The following PCSK5 variants were observed in gnomAD, a reference collection of about 807,000 sequenced individuals.
PCSK5 encodes prohormone convertase 5.
A neutral mutation model predicts 233.2 loss-of-function variants in PCSK5; 129 were observed. The observed-to-expected ratio is 0.55, with a 90% CI of 0.48 to 0.64. PCSK5 has a LOEUF of 0.64. Ranked by LOEUF, PCSK5 falls within the 30% of genes least tolerant of loss-of-function variation. The pLI, the probability that PCSK5 is intolerant of heterozygous loss-of-function variation, is 0.00. For synonymous variants in PCSK5, 825 were observed against 879.2 expected, an observed-to-expected ratio of 0.94 and a Z score of 1.09; for missense variants, 2,076 against 2,430.1, an observed-to-expected ratio of 0.85 and a Z score of 3.06.
At chr9:76,088,451 A>C (rs1587610797) in intron 7 of PCSK5, among the ~76,000 whole-genome samples, 1 of 152,202 alleles carries the variant, frequency 6.6e-6, no homozygotes, top group East Asian at 1.9e-4. Context: ...TGTTTACCTT[A>C]GTTATTCTGA....
chr9:76,090,094 T>C (rs1055736508), intron 7 of PCSK5, among the ~76,000 whole-genome samples: 3 of 152,178 alleles, frequency 2.0e-5, no homozygotes, highest in African/African-American at 7.2e-5. Flanking sequence ...TTTTTTGCCA[T>C]GCAAAGCCAT....
intron 4 of PCSK5, among the ~76,000 whole-genome samples, chr9:76,025,171 A>G (rs1232370846): frequency 2.0e-5 from 3 of 152,158 alleles, no homozygotes; most frequent in Non-Finnish European, 4.4e-5. Flanking sequence ...TTATTTTCAG[A>G]AAGAGGAGCC....
intron 1 of PCSK5, among the ~76,000 whole-genome samples, chr9:75,920,497 G>A (rs935605458): frequency 6.6e-6 from 1 of 152,054 alleles, no homozygotes; most frequent in South Asian, 2.1e-4. Flanking sequence ...AATAAAATGG[G>A]TTATTTTAAA....
intron 12 of PCSK5, among the ~76,000 whole-genome samples, chr9:76,161,872 G>A (rs1379111086): frequency 2.0e-5 from 3 of 152,190 alleles, no homozygotes; most frequent in South Asian, 4.1e-4. Context: ...CATTTCCGAC[G>A]TGCGGTGACC....
chr9:75,941,399 A>G (rs992149705), intron 2 of PCSK5, among the ~76,000 whole-genome samples: 3 of 151,978 alleles, frequency 2.0e-5, no homozygotes, highest in African/African-American at 7.3e-5. Flanking sequence ...TTGCTTAGGA[A>G]TGGTGATTTC....
intron 3 of PCSK5, among the ~76,000 whole-genome samples, chr9:76,016,116 G>A (rs1827937769): frequency 6.6e-6 from 1 of 152,182 alleles, no homozygotes; most frequent in Non-Finnish European, 1.5e-5. Flanking sequence ...CCCTGACTGG[G>A]TTCCATGTTC....
At chr9:76,011,759 C>CTCT (rs1333346500) in intron 3 of PCSK5, among the ~76,000 whole-genome samples, 2 of 152,108 alleles carry the variant, frequency 1.3e-5, no homozygotes, top group African/African-American at 4.8e-5. Flanking sequence ...CTCAATTTTG[C>CTCT]TCTGATTTGC....
chr9:76,079,259 G>A (rs757964458), intron 7 of PCSK5, among the ~76,000 whole-genome samples: 11 of 151,134 alleles, frequency 7.3e-5, no homozygotes, highest in Non-Finnish European at 1.3e-4. Flanking sequence ...GCGCACTACC[G>A]TGCCCAGCTA....
chr9:76,148,011 T>A (rs1054400519), intron 10 of PCSK5, among the ~76,000 whole-genome samples: 1 of 152,130 alleles, frequency 6.6e-6, no homozygotes, highest in African/African-American at 2.4e-5. Context: ...CTGCAAGTAG[T>A]CTGAATTAGC....
chr9:76,161,426 G>A (rs1383395453), intron 12 of PCSK5, among the ~76,000 whole-genome samples: 1 of 150,076 alleles, frequency 6.7e-6, no homozygotes, highest in Non-Finnish European at 1.5e-5. Context: ...CGAAGCTAGG[G>A]AAGGCCTTTA....
In PCSK5 at chr9:75,891,333, A is replaced by G. The variant is rs554390740; in HGVS notation, c.152A>G (p.Asn51Ser). 33 of 1,563,954 alleles carry G rather than the reference A, an allele frequency of 2.1e-5. No homozygotes were observed. The South Asian group carries it at 3.2e-4, about 15-fold the overall frequency. ...ATCGCCGGGGGCTTCCCGGAGGCCAACCGTATCGCCAGCAAGTACGGATTC... is the reference window on the plus strand; with the variant it reads ...ATCGCCGGGGGCTTCCCGGAGGCCAGCCGTATCGCCAGCAAGTACGGATTC... ...VKIAGGFPEA[N>S]RIASKYGFIN... Residue 51 changes from asparagine (N) to serine (S), a missense_variant, in exon 1 of 38, where the codon AAC (asparagine) becomes AGC (serine). Coordinates refer to ENST00000674117, the MANE Select transcript of PCSK5 (RefSeq NM_001372043.1).
chr9:76,184,115 T>G (rs1218719988), intron 16 of PCSK5, among the ~76,000 whole-genome samples: 1 of 152,196 alleles, frequency 6.6e-6, no homozygotes. Flanking sequence ...ACTGCAGCTG[T>G]AAAGTGCAAG....
intron 34 of PCSK5, among the ~76,000 whole-genome samples, chr9:76,337,840 TAAA>T (rs71372066): frequency 1.3e-5 from 2 of 148,186 alleles, no homozygotes; most frequent in African/African-American, 2.5e-5. Flanking sequence ...ATCTCTGTTT[TAAA>T]AAAAAAAAAA....
chr9:76,284,406 C>T (rs771135177), intron 24 of PCSK5, among the ~76,000 whole-genome samples: 8 of 151,982 alleles, frequency 5.3e-5, no homozygotes, highest in African/African-American at 9.7e-5. Context: ...ACAGATACCC[C>T]GCACACACTC....
chr9:76,075,263 C>T (rs566949316), intron 7 of PCSK5, among the ~76,000 whole-genome samples: 7 of 151,080 alleles, frequency 4.6e-5, no homozygotes, highest in South Asian at 4.1e-4. Flanking sequence ...TGCAAGTCAA[C>T]GTAGCCTTCC....
At chr9:76,209,453 G>A (rs1825245988) in intron 20 of PCSK5, 1 of 493,336 alleles carries the variant, frequency 2.0e-6, no homozygotes, top group East Asian at 6.0e-5. Context: ...CCAGGAAGGA[G>A]ATCTGTGTTT....
intron 9 of PCSK5, among the ~76,000 whole-genome samples, chr9:76,109,896 G>T (rs1448576811): frequency 2.0e-5 from 3 of 152,170 alleles, no homozygotes; most frequent in Non-Finnish European, 4.4e-5. Flanking sequence ...TAAGCATCGG[G>T]CCTCCAGCTT....
chr9:76,357,207 A>T (rs12336226), intron 37 of PCSK5, among the ~76,000 whole-genome samples: 26,411 of 152,162 alleles, frequency 0.17, 2,401 homozygotes, highest in Middle Eastern at 0.26. Flanking sequence ...CTGATGGATG[A>T]CAGGGGTTGG....
rs1825579207 is a variant in PCSK5, at chr9:75,891,198, G to A, written c.17G>A (p.Arg6His). 1.0e-5 allele frequency: 15 copies of A among 1,482,122 alleles called. No homozygotes were observed. Among genetic ancestry groups the A allele is most frequent in the Middle Eastern group, 3.6e-4 (2 of 5,550 alleles). The allele number at this position is 1,482,122 out of a possible 1,614,324, so 91.8% of individuals were successfully genotyped here. A position where few individuals can be genotyped will look rare whatever the true frequency, so the allele number is the denominator to read the frequency against. Residue 6 changes from arginine to histidine, a missense_variant, in exon 1 of 38, where the codon CGC becomes CAC. By Grantham distance (29) the Arg-to-His change is conservative. This residue lies in a region of PCSK5 where 190 missense variants were observed against 216.3 expected (regional missense o/e 0.88). Transcript: ENST00000674117. ...GCCGGGACCATGGGCTGGGGGAGCC[G>A]CTGCTGCTGCCCGGGACGTTTGGAC... MGWGS[R>H]CCCPGRLDLL...
Sources: gnomAD v4.1 joint callset for allele counts (sites outside exome capture counted in the v4.1 genomes callset) on GRCh38, gnomAD v4.1.1 for gene constraint, gnomAD v4.1.1 regional missense constraint, MANE v1.5 for transcripts, NCBI Gene and HGNC (gene_info 2026-07-23, HGNC 2026-07-21) for gene names.